Variants in KCNIP3 observed in about 807,000 individuals in gnomAD.
KCNIP3 encodes the protein potassium voltage-gated channel interacting protein 3.
In KCNIP3, 28 loss-of-function variants were observed where a neutral mutation model predicts 35.0. The observed-to-expected ratio is 0.80, with a 90% CI of 0.59 to 1.10. The LOEUF (loss-of-function observed/expected upper bound fraction) is 1.10. Among genes scored for constraint, KCNIP3 ranks in the 50% least tolerant of loss-of-function variants. The pLI, the probability that KCNIP3 is intolerant of heterozygous loss-of-function variation, is 0.00. For missense variants in KCNIP3, 295 were observed against 338.4 expected (o/e 0.87, Z 1.01); for synonymous variants, 134 against 133.8 (o/e 1.00, Z -0.01).
intron 7 of KCNIP3, among the ~76,000 whole-genome samples, chr2:95,383,004 T>C (rs1680385568): frequency 6.6e-6 from 1 of 152,008 alleles, no homozygotes; most frequent in South Asian, 2.1e-4. Context: ...AGGGGAGCAG[T>C]GGGGAGATGC....
Position 95,377,353 on chromosome 2 carries a change from C to G in KCNIP3, c.447+2145C>G, listed in dbSNP as rs1384731139. Among the ~76,000 whole-genome samples, 3 of 152,364 alleles carry G rather than the reference C, an allele frequency of 2.0e-5. No homozygotes were observed. The highest frequency in any genetic ancestry group is 4.8e-5 in the African/African-American group (2 of 41,586). ...TTACCTCCCCCGACAGTAAACTGCT[C>G]CATGTGCCAGTGGCCAAGCGGCATC... On this transcript the variant is annotated intron_variant, in intron 5 of 8. Transcript: ENST00000295225. The surrounding 1 kb of genome is among the most constrained non-coding windows in gnomAD (Gnocchi z 4.7).
intron 2 of KCNIP3, among the ~76,000 whole-genome samples, chr2:95,364,483 C>T (rs1679872716): frequency 1.3e-5 from 2 of 152,108 alleles, no homozygotes; most frequent in African/African-American, 2.4e-5. Flanking sequence ...GTTTGTCCCC[C>T]CCCACATCTC....
At position 95,380,387 on chromosome 2, in the gene KCNIP3, C is replaced by T. The variant is rs574762651; in HGVS notation, c.448-1209C>T. On this transcript the variant is annotated intron_variant, in intron 5 of 8. Transcript: ENST00000295225. ...TCATGGTACAGACTTCTTCCAGTCCCGAAAATCTAACACTTGAGGGGCCTC... is the reference window on the plus strand; with the variant it reads ...TCATGGTACAGACTTCTTCCAGTCCTGAAAATCTAACACTTGAGGGGCCTC... Among the ~76,000 whole-genome samples the T allele has an allele frequency of 1.9e-3, 289 of 152,334 alleles. 2 individuals carry two copies. Among genetic ancestry groups the T allele is most frequent in the African/African-American group, 6.7e-3 (277 of 41,586 alleles).
At chr2:95,347,001 C>G (rs771614880) in intron 2 of KCNIP3, 1 of 1,589,872 alleles carries the variant, frequency 6.3e-7, no homozygotes, top group African/African-American at 1.3e-5. Context: ...CCCCAGGGCC[C>G]CAGGCAGCCC....
intron 2 of KCNIP3, among the ~76,000 whole-genome samples, chr2:95,357,679 G>A (rs1322989723): frequency 6.6e-6 from 1 of 152,212 alleles, no homozygotes; most frequent in African/African-American, 2.4e-5. Flanking sequence ...AGGACTGCAG[G>A]AATTCCAGGG....
intron 2 of KCNIP3, among the ~76,000 whole-genome samples, chr2:95,364,560 TCCCTCCTGAATGG>T (rs1247180087): frequency 6.6e-6 from 1 of 152,140 alleles, no homozygotes; most frequent in Non-Finnish European, 1.5e-5. Context: ...CGGGCGCGGA[TCCCTCCTGAATGG>T]CCCAGCACCA....
At position 95,378,303 on chromosome 2, in the gene KCNIP3, ATTG is replaced by A. The variant is rs1261358971; in HGVS notation, c.447+3100_447+3102del. ...ATGCCCAGCTAATTTTTTTATTTTA[ATTG>A]TTGTAGATGCAAGGTCTCACTATGT... On this transcript the variant is annotated intron_variant, in intron 5 of 8. Transcript: ENST00000295225. This position sits in a 1 kb window ranked among gnomAD's most constrained non-coding sequence, Gnocchi z 4.0. Among the ~76,000 whole-genome samples, 2 of 151,770 alleles carry A rather than the reference ATTG, an allele frequency of 1.3e-5. No individual in the cohort carries two copies. The highest frequency in any genetic ancestry group is 1.9e-4 in the East Asian group (1 of 5,156).
At chr2:95,381,875 C>A (rs1680354938) in intron 6 of KCNIP3, among the ~76,000 whole-genome samples, 172 bp downstream of exon 6, 1 of 152,204 alleles carries the variant, frequency 6.6e-6, no homozygotes, top group South Asian at 2.1e-4. Flanking sequence ...GGGCTCGGTC[C>A]TGGACACCCC....
chr2:95,382,233 G>A lies in KCNIP3; in HGVS notation c.556-144G>A, dbSNP rs537801368. On this transcript the variant is annotated intron_variant, in intron 6 of 8. Coordinates refer to ENST00000295225, the MANE Select transcript of KCNIP3 (RefSeq NM_013434.5). The surrounding 1 kb of genome is among the most constrained non-coding windows in gnomAD (Gnocchi z 4.5). ...AGCTCGCTCTGGGTGCCCTGGAAGC[G>A]GACAGGCTTCTCTCTCCAGCTCGTC... 2.1e-5 allele frequency: 10 copies of A among 485,730 alleles called. No individual in the cohort carries two copies. The highest frequency in any genetic ancestry group is 7.7e-5 in the Admixed American group (2 of 26,064). The allele number at this position is 485,730 out of a possible 1,614,324, so 30.1% of individuals were successfully genotyped here. A position where few individuals can be genotyped will look rare whatever the true frequency, so the allele number is the denominator to read the frequency against.
intron 2 of KCNIP3, among the ~76,000 whole-genome samples, chr2:95,337,061 T>C (rs1196117507): frequency 6.6e-6 from 1 of 152,216 alleles, no homozygotes; most frequent in East Asian, 1.9e-4. Context: ...TTTTTCTCTG[T>C]GGCTCCCTCC....
At chr2:95,352,569 C>T (rs1679554595) in intron 2 of KCNIP3, among the ~76,000 whole-genome samples, 1 of 152,162 alleles carries the variant, frequency 6.6e-6, no homozygotes, top group Non-Finnish European at 1.5e-5. Flanking sequence ...CCAGCCCTCC[C>T]TCTCCAGCCC....
Position 95,297,494 on chromosome 2 carries a change from C to A in KCNIP3, c.15+41C>A, listed in dbSNP as rs2248415. 29 of 528,432 alleles carry A rather than the reference C, an allele frequency of 5.5e-5. 4 individuals are homozygous for A. The highest frequency in any genetic ancestry group is 9.9e-5 in the African/African-American group (4 of 40,528). 32.7% of individuals were successfully genotyped at this position (528,432 alleles called of 1,614,324 possible). On this transcript the variant is annotated intron_variant, in intron 1 of 8. Coordinates refer to ENST00000295225, the MANE Select transcript of KCNIP3 (RefSeq NM_013434.5). ...ATGGGGTCTTGCTCTGGAGGGGGGT[C>A]GGGGGGAGGAATGGAGGCTTCTGGG...
At chr2:95,370,924 C>A (rs752772514) in intron 2 of KCNIP3, among the ~76,000 whole-genome samples, 19 of 151,786 alleles carry the variant, frequency 1.3e-4, no homozygotes, top group Non-Finnish European at 2.4e-4. Flanking sequence ...CCACACCTGG[C>A]TAACTTTTTT....
chr2:95,351,018 G>A (rs1275610080), intron 2 of KCNIP3, among the ~76,000 whole-genome samples: 1 of 152,204 alleles, frequency 6.6e-6, no homozygotes, highest in African/African-American at 2.4e-5. Context: ...TCGAGGACAG[G>A]GGCTCTGGGT....
intron 2 of KCNIP3, among the ~76,000 whole-genome samples, chr2:95,355,498 C>T (rs927812409): frequency 3.3e-5 from 5 of 152,118 alleles, no homozygotes; most frequent in African/African-American, 1.2e-4. Context: ...CTCCTCCAGC[C>T]CCCCAGCCTC....
At chr2:95,308,656 T>G (rs1678237751) in intron 1 of KCNIP3, among the ~76,000 whole-genome samples, 1 of 152,242 alleles carries the variant, frequency 6.6e-6, no homozygotes, top group Non-Finnish European at 1.5e-5. Flanking sequence ...GGGCTCTGTG[T>G]GGACGGGCAT....
Position 95,384,334 on chromosome 2 carries a change from C to T in KCNIP3, c.*285C>T. On this transcript the variant is annotated 3_prime_UTR_variant, in exon 9 of 9. Coordinates refer to ENST00000295225, the MANE Select transcript of KCNIP3 (RefSeq NM_013434.5). ...GGCGAGGCTGCCTCTGGGTGAGTGG[C>T]TGACAGAGCAGGTCTGCAGGCCACC... 2.0e-6 allele frequency: 1 copy of T among 493,764 alleles called. No individual in the cohort carries two copies. The highest frequency in any genetic ancestry group is 3.7e-6 in the Non-Finnish European group (1 of 273,834). 30.6% of individuals were successfully genotyped at this position (493,764 alleles called of 1,614,324 possible). A position where few individuals can be genotyped will look rare whatever the true frequency, so the allele number is the denominator to read the frequency against.
chr2:95,336,513 A>G (rs953605234), intron 2 of KCNIP3, among the ~76,000 whole-genome samples: 1 of 152,226 alleles, frequency 6.6e-6, no homozygotes, highest in African/African-American at 2.4e-5. Flanking sequence ...CTGCTTACTT[A>G]AACATCTGAG....
At chr2:95,350,656 T>C (rs1175345377) in intron 2 of KCNIP3, among the ~76,000 whole-genome samples, 1 of 151,914 alleles carries the variant, frequency 6.6e-6, no homozygotes, top group Non-Finnish European at 1.5e-5. Context: ...GTGTGCTCGG[T>C]GTCATCAGGG....
Sources: allele counts gnomAD v4.1 joint callset (sites outside exome capture counted in the v4.1 genomes callset), GRCh38; gene constraint gnomAD v4.1.1; non-coding constraint Gnocchi (gnomAD v3.1); transcripts MANE v1.5; gene names NCBI Gene and HGNC (gene_info 2026-07-23, HGNC 2026-07-21).